SERPINI1: variants seen among roughly 807,000 people sequenced by gnomAD.
The protein encoded by SERPINI1 is neuroserpin.
SERPINI1 carries 19 observed loss-of-function variants against 41.1 expected under a neutral mutation model. The ratio of observed to expected loss-of-function variants is 0.46; its 90% CI spans 0.32 to 0.68. SERPINI1 has a LOEUF of 0.68. Ranked by LOEUF, SERPINI1 falls within the 30% of genes least tolerant of loss-of-function variation. SERPINI1 has a pLI of 0.03. For synonymous variants in SERPINI1, 138 were observed against 156.6 expected, an observed-to-expected ratio of 0.88 and a Z score of 0.89; for missense variants, 460 against 479.2, an observed-to-expected ratio of 0.96 and a Z score of 0.37.
intron 5 of SERPINI1, among the ~76,000 whole-genome samples, chr3:167,806,785 A>G (rs1446122319): frequency 6.6e-6 from 1 of 152,144 alleles, no homozygotes; most frequent in Admixed American, 6.6e-5. Flanking sequence ...GGAAAGTAAC[A>G]TAAATTGACC....
intron 1 of SERPINI1, among the ~76,000 whole-genome samples, chr3:167,750,317 T>C (rs548324515): frequency 6.6e-6 from 1 of 152,348 alleles, no homozygotes; most frequent in African/African-American, 2.4e-5. Flanking sequence ...ATGTAACATA[T>C]CTTCTTCCCA....
At chr3:167,755,210 A>T (rs1453315090) in intron 1 of SERPINI1, among the ~76,000 whole-genome samples, 1 of 152,160 alleles carries the variant, frequency 6.6e-6, no homozygotes, top group African/African-American at 2.4e-5. Context: ...TTAATCCATG[A>T]CCTATTTCAG....
At chr3:167,794,283 G>C (rs1727642193) in intron 4 of SERPINI1, among the ~76,000 whole-genome samples, 1 of 151,834 alleles carries the variant, frequency 6.6e-6, no homozygotes, top group Admixed American at 6.6e-5. Flanking sequence ...AATTATACAG[G>C]GCTGTGAACT....
intron 1 of SERPINI1, among the ~76,000 whole-genome samples, chr3:167,736,445 C>T (rs1725441309): frequency 1.3e-5 from 2 of 152,186 alleles, no homozygotes; most frequent in Non-Finnish European, 2.9e-5. Flanking sequence ...GGATAGTTAG[C>T]TTTCTTCCCA....
At chr3:167,782,121 C>T (rs1727152460) in intron 1 of SERPINI1, among the ~76,000 whole-genome samples, 1 of 152,058 alleles carries the variant, frequency 6.6e-6, no homozygotes, top group South Asian at 2.1e-4. Flanking sequence ...TATGTAAAGG[C>T]ATTTTACAGA....
chr3:167,750,051 T>C (rs1270940265), intron 1 of SERPINI1, among the ~76,000 whole-genome samples: 1 of 152,182 alleles, frequency 6.6e-6, no homozygotes, highest in African/African-American at 2.4e-5. Context: ...CTGGAAAAAC[T>C]AAGTGAATTA....
intron 5 of SERPINI1, among the ~76,000 whole-genome samples, chr3:167,797,846 A>G (rs550870198): frequency 1.3e-5 from 2 of 152,236 alleles, no homozygotes; most frequent in African/African-American, 4.8e-5. Flanking sequence ...TTAAATTTAA[A>G]TTACTATGTA....
At chr3:167,793,572 A>G (rs1435203412) in intron 4 of SERPINI1, among the ~76,000 whole-genome samples, 1 of 131,266 alleles carries the variant, frequency 7.6e-6, no homozygotes, top group Non-Finnish European at 1.6e-5. Context: ...CCCTTTCTCT[A>G]CAAATATATA....
chr3:167,804,526 C>A (rs1448222423), intron 5 of SERPINI1, among the ~76,000 whole-genome samples: 1 of 152,132 alleles, frequency 6.6e-6, no homozygotes, highest in Admixed American at 6.5e-5. Flanking sequence ...GTAATAAATG[C>A]CTTTGCTTGT....
At chr3:167,773,556 A>G (rs917839268) in intron 1 of SERPINI1, among the ~76,000 whole-genome samples, 1 of 152,218 alleles carries the variant, frequency 6.6e-6, no homozygotes, top group African/African-American at 2.4e-5. Flanking sequence ...ATACTTTGAT[A>G]GAGCCTTTTT....
At chr3:167,819,409 G>A (rs1483766655) in intron 6 of SERPINI1, among the ~76,000 whole-genome samples, 1 of 152,088 alleles carries the variant, frequency 6.6e-6, no homozygotes, top group Non-Finnish European at 1.5e-5. Flanking sequence ...TACTCTTTTG[G>A]ATTTGAGGGA....
At chr3:167,820,968 G>A (rs1712305060) in intron 6 of SERPINI1, among the ~76,000 whole-genome samples, 1 of 152,170 alleles carries the variant, frequency 6.6e-6, no homozygotes, top group South Asian at 2.1e-4. Flanking sequence ...TTGAGCAGAT[G>A]ACAGGATGAC....
intron 1 of SERPINI1, among the ~76,000 whole-genome samples, chr3:167,774,237 A>G (rs1465881169): frequency 1.3e-5 from 2 of 152,196 alleles, no homozygotes; most frequent in East Asian, 1.9e-4. Flanking sequence ...GAGGTTGCCA[A>G]TATTTGACCA....
At chr3:167,775,106 A>C (rs973405205) in intron 1 of SERPINI1, among the ~76,000 whole-genome samples, 1 of 152,012 alleles carries the variant, frequency 6.6e-6, no homozygotes, top group African/African-American at 2.4e-5. Context: ...TATCAAGATA[A>C]GTTTAAAACT....
chr3:167,757,390 TCTC>T (rs1011277667), intron 1 of SERPINI1, among the ~76,000 whole-genome samples: 115 of 152,314 alleles, frequency 7.6e-4, no homozygotes, highest in African/African-American at 2.6e-3. Flanking sequence ...ATTAATATGA[TCTC>T]CTTGGTGTTA....
rs2108559953 is a variant in SERPINI1, at chr3:167,794,772, G to A, written c.829G>A (p.Glu277Lys). Residue 277 changes from glutamate (E) to lysine (K), a missense_variant, in exon 5 of 9, where the codon GAA becomes AAA. Coordinates refer to ENST00000446050, the MANE Select transcript of SERPINI1 (RefSeq NM_001122752.2). ...GCCATTAGTCAAAGCACAGCTGGTT[G>A]AAGAATGGGCAAACTCTGTGAAGAA... is the stretch of plus-strand genomic sequence containing the variant. The part of the protein sequence containing the change: ...LEPLVKAQLV[E>K]EWANSVKKQK... 2 of 1,613,682 alleles carry A rather than the reference G, an allele frequency of 1.2e-6. No homozygotes were observed. Among genetic ancestry groups the A allele is most frequent in the Non-Finnish European group, 1.7e-6 (2 of 1,179,802 alleles).
chr3:167,793,831 C>CGT (rs753115772), intron 4 of SERPINI1, among the ~76,000 whole-genome samples: 2,744 of 110,512 alleles, frequency 0.025, 73 homozygotes, highest in African/African-American at 0.096. Flanking sequence ...TCATTTTGGC[C>CGT]ATATGTATGT....
intron 1 of SERPINI1, among the ~76,000 whole-genome samples, chr3:167,786,026 C>T (rs1727291747): frequency 1.3e-5 from 2 of 152,218 alleles, no homozygotes. Context: ...GCCTACTACA[C>T]ACCTGGGCTA....
At position 167,792,741 on chromosome 3, in the gene SERPINI1, A is replaced by G. The variant is rs1215239732; in HGVS notation, c.633A>G (p.Glu211=). ...TFSFTKDDES[E]VQIPMMYQQG... Reference sequence around the variant, plus strand: ...CTTTCACTAAAGATGATGAAAGTGAAGTCCAAATTCCAATGATGTATCAGC... The same window carrying G: ...CTTTCACTAAAGATGATGAAAGTGAGGTCCAAATTCCAATGATGTATCAGC... The change falls in exon 4 of 9, where the codon GAA becomes GAG. Residue 211 remains glutamate (E), a synonymous_variant. Transcript: ENST00000446050. The G allele has an allele frequency of 6.2e-7, 1 of 1,613,908 alleles. No homozygotes were observed. Among genetic ancestry groups the G allele is most frequent in the Admixed American group, 1.7e-5 (1 of 59,966 alleles).
Sources: gnomAD v4.1 joint callset for allele counts (sites outside exome capture counted in the v4.1 genomes callset) on GRCh38, gnomAD v4.1.1 for gene constraint, MANE v1.5 for transcripts, NCBI Gene and HGNC (gene_info 2026-07-23, HGNC 2026-07-21) for gene names.